PPARGC1B: variants seen among roughly 807,000 people sequenced by gnomAD.
PPARGC1B encodes PPARG coactivator 1 beta.
A neutral mutation model predicts 101.6 loss-of-function variants in PPARGC1B; 34 were observed. The observed-to-expected ratio is 0.33, with a 90% CI of 0.25 to 0.45. The LOEUF (loss-of-function observed/expected upper bound fraction) is 0.45, where lower values mean the gene tolerates loss of function less well. Among genes scored for constraint, PPARGC1B ranks in the 20% least tolerant of loss-of-function variants. The pLI is 1.00. For synonymous variants in PPARGC1B, 548 were observed against 539.3 expected, an observed-to-expected ratio of 1.02 and a Z score of -0.22; for missense variants, 1,234 against 1,317.6, an observed-to-expected ratio of 0.94 and a Z score of 0.98.
intron 1 of PPARGC1B, among the ~76,000 whole-genome samples, chr5:149,754,300 G>T (rs1755427100): frequency 6.6e-6 from 1 of 150,774 alleles, no homozygotes; most frequent in Non-Finnish European, 1.5e-5. Context: ...GTGGCCCCGG[G>T]TCCTTCTTGC....
chr5:149,778,216 G>A (rs1037714118), intron 1 of PPARGC1B, among the ~76,000 whole-genome samples: 1 of 151,878 alleles, frequency 6.6e-6, no homozygotes, highest in Non-Finnish European at 1.5e-5. Flanking sequence ...GTCTCAGCAG[G>A]TGCTTTGTCT....
Position 149,836,744 on chromosome 5 carries a change from C to T in PPARGC1B, c.2289C>T (p.Ser763=). ...TGAGAGACCATGAGATCCGTGCCAG[C>T]CTCACCAAACACTTTGGGCTGCTGG... ...TLLRDHEIRA[S]LTKHFGLLET... is the part of the protein sequence containing the mutation. Residue 763 remains serine (S), a synonymous_variant, in exon 8 of 12, where the codon AGC becomes AGT. Coordinates refer to ENST00000309241, the MANE Select transcript of PPARGC1B (RefSeq NM_133263.4). The T allele has an allele frequency of 6.2e-7, 1 of 1,613,694 alleles. No individual in the cohort carries two copies. Among genetic ancestry groups the T allele is most frequent in the African/African-American group, 1.3e-5 (1 of 75,064 alleles).
chr5:149,830,981 T>A, intron 4 of PPARGC1B, 98 bp downstream of exon 4: 1 of 825,870 alleles, frequency 1.2e-6, no homozygotes, highest in South Asian at 1.5e-5. Flanking sequence ...ACCTCCAATA[T>A]CTCTTCCCAC....
At position 149,833,555 on chromosome 5, in the gene PPARGC1B, T is replaced by C. The variant is rs1170948807; in HGVS notation, c.1482T>C (p.Asp494=). The change falls in exon 5 of 12, where the codon GAT becomes GAC. Residue 494 remains aspartate, a synonymous_variant. Transcript: ENST00000309241. The surrounding 1 kb of genome is among the most constrained non-coding windows in gnomAD (Gnocchi z 4.1). ...PELGPWLTFA[D]EPLVPSEPQG... is the part of the protein sequence containing the mutation. ...TGGGCCCCTGGCTGACATTTGCAGATGAGCCGCTGGTCCCCTCGGAGCCCC... is the reference window on the plus strand; with the variant it reads ...TGGGCCCCTGGCTGACATTTGCAGACGAGCCGCTGGTCCCCTCGGAGCCCC... 6.3e-7 allele frequency: 1 copy of C among 1,586,366 alleles called. No homozygotes were observed. The highest frequency in any genetic ancestry group is 8.6e-7 in the Non-Finnish European group (1 of 1,166,448).
chr5:149,749,229 G>T (rs185854781), intron 1 of PPARGC1B, among the ~76,000 whole-genome samples: 1 of 152,122 alleles, frequency 6.6e-6, no homozygotes, highest in Non-Finnish European at 1.5e-5. Flanking sequence ...CCTATTTACC[G>T]TTATACCTGT....
At chr5:149,752,727 G>C (rs1367632965) in intron 1 of PPARGC1B, among the ~76,000 whole-genome samples, 1 of 152,166 alleles carries the variant, frequency 6.6e-6, no homozygotes, top group Non-Finnish European at 1.5e-5. Context: ...TACTTGGGTG[G>C]CTGAGGCAGG....
At chr5:149,834,350 A>G (rs773971846) in intron 5 of PPARGC1B, among the ~76,000 whole-genome samples, 13 of 152,224 alleles carry the variant, frequency 8.5e-5, no homozygotes, top group African/African-American at 3.1e-4. Flanking sequence ...GATGAGCCCT[A>G]TGCAGGGCTG....
At chr5:149,822,497 C>A (rs1758341603) in intron 2 of PPARGC1B, among the ~76,000 whole-genome samples, 1 of 152,246 alleles carries the variant, frequency 6.6e-6, no homozygotes, top group South Asian at 2.1e-4. Flanking sequence ...CTGTCCCCAG[C>A]CCCTGCTCCC....
At chr5:149,745,866 G>T (rs1384526412) in intron 1 of PPARGC1B, among the ~76,000 whole-genome samples, 1 of 152,188 alleles carries the variant, frequency 6.6e-6, no homozygotes, top group African/African-American at 2.4e-5. Flanking sequence ...CTCATAGGAG[G>T]TGGGGGGATT....
intron 1 of PPARGC1B, among the ~76,000 whole-genome samples, chr5:149,760,755 G>C (rs1755688991): frequency 6.6e-6 from 1 of 152,228 alleles, no homozygotes; most frequent in Non-Finnish European, 1.5e-5. Flanking sequence ...TGCCCCTTGA[G>C]AGAGGAGGAG....
chr5:149,804,626 C>A (rs1253005421), intron 1 of PPARGC1B, among the ~76,000 whole-genome samples: 1 of 152,180 alleles, frequency 6.6e-6, no homozygotes, highest in Non-Finnish European at 1.5e-5. Context: ...GGTGAGCTCA[C>A]ACCGCTGCAC....
chr5:149,760,461 T>G (rs1755677887), intron 1 of PPARGC1B, among the ~76,000 whole-genome samples: 1 of 152,220 alleles, frequency 6.6e-6, no homozygotes, highest in African/African-American at 2.4e-5. Flanking sequence ...AGCTTTTTCC[T>G]TGTTTAAAGA....
rs1759726385 is a variant in PPARGC1B at position 149,850,509 on chromosome 5, A to G, written c.*2951A>G. On this transcript the variant is annotated 3_prime_UTR_variant, in exon 12 of 12. Transcript: ENST00000309241. Reference sequence around the variant, plus strand: ...TAAAATGCTACAAGTTCTAAAATTTACCGACCCTGCAGACAACCTCTATCC... The same window carrying G: ...TAAAATGCTACAAGTTCTAAAATTTGCCGACCCTGCAGACAACCTCTATCC... 1 of 152,200 alleles carries G rather than the reference A, an allele frequency of 6.6e-6. No homozygotes were observed. Among genetic ancestry groups the G allele is most frequent in the Admixed American group, 6.5e-5 (1 of 15,276 alleles). 9.4% of individuals were successfully genotyped at this position (152,200 alleles called of 1,614,324 possible). A position where few individuals can be genotyped will look rare whatever the true frequency, so the allele number is the denominator to read the frequency against.
At chr5:149,821,644 G>A (rs1758300647) in intron 2 of PPARGC1B, among the ~76,000 whole-genome samples, 1 of 152,170 alleles carries the variant, frequency 6.6e-6, no homozygotes, top group Non-Finnish European at 1.5e-5. Flanking sequence ...CCAAGGTGGT[G>A]TGCCGCAAGC....
chr5:149,774,657 G>T (rs940819828), intron 1 of PPARGC1B, among the ~76,000 whole-genome samples: 1 of 151,818 alleles, frequency 6.6e-6, no homozygotes, highest in Non-Finnish European at 1.5e-5. Flanking sequence ...GGGTGCCAGG[G>T]CTTTAGGGAC....
chr5:149,786,783 TA>T (rs1370102680), intron 1 of PPARGC1B, among the ~76,000 whole-genome samples: 1 of 151,972 alleles, frequency 6.6e-6, no homozygotes, highest in Non-Finnish European at 1.5e-5. Flanking sequence ...GAAATGTGGG[TA>T]AAATGAGTAA....
At chr5:149,840,542 C>G (rs147446376) in intron 9 of PPARGC1B, among the ~76,000 whole-genome samples, 5 of 152,138 alleles carry the variant, frequency 3.3e-5, no homozygotes, top group Non-Finnish European at 7.4e-5. Context: ...CTCATTTGTA[C>G]GTAAGGGAGT....
At chr5:149,758,633 T>C (rs1209980972) in intron 1 of PPARGC1B, among the ~76,000 whole-genome samples, 1 of 152,154 alleles carries the variant, frequency 6.6e-6, no homozygotes, top group East Asian at 1.9e-4. Context: ...TGTGGACAGG[T>C]ACAACACATG....
At chr5:149,765,016 C>T (rs1755854748) in intron 1 of PPARGC1B, among the ~76,000 whole-genome samples, 1 of 151,696 alleles carries the variant, frequency 6.6e-6, no homozygotes, top group Non-Finnish European at 1.5e-5. Context: ...GGGAGGGACC[C>T]TGTGAAACAG....
Sources: allele counts gnomAD v4.1 joint callset (sites outside exome capture counted in the v4.1 genomes callset), GRCh38; gene constraint gnomAD v4.1.1; non-coding constraint Gnocchi (gnomAD v3.1); transcripts MANE v1.5; gene names NCBI Gene and HGNC (gene_info 2026-07-23, HGNC 2026-07-21).